The following IQCB1 variants were observed in gnomAD, a reference collection of about 807,000 sequenced individuals.
IQCB1 encodes IQ calmodulin-binding motif-containing protein 1.
Under a neutral mutation model 84.4 loss-of-function variants are expected in IQCB1, and 56 were observed. The observed-to-expected ratio is 0.66, with a 90% confidence interval of 0.54 to 0.83. IQCB1 has a LOEUF of 0.83. Among genes scored for constraint, IQCB1 ranks in the 40% least tolerant of loss-of-function variants. The pLI is 0.00. For synonymous variants in IQCB1, 210 were observed against 234.8 expected, an observed-to-expected ratio of 0.89 and a Z score of 0.96; for missense variants, 629 against 682.1, an observed-to-expected ratio of 0.92 and a Z score of 0.87.
At chr3:121,788,576 C>CCAT in intron 11 of IQCB1, 144 bp from the exon 12 acceptor site, 2 of 811,428 alleles carry the variant, frequency 2.5e-6, no homozygotes, top group Non-Finnish European at 2.0e-6. Context: ...TACTATTTTA[C>CCAT]CATGGTTCTA....
intron 11 of IQCB1, among the ~76,000 whole-genome samples, chr3:121,788,634 A>T (rs1255782148): frequency 6.6e-6 from 1 of 152,150 alleles, no homozygotes; most frequent in East Asian, 1.9e-4. Context: ...TCTTCACAGA[A>T]AGAACTCATA....
chr3:121,790,742 A>T (rs993807525), intron 10 of IQCB1, among the ~76,000 whole-genome samples: 1 of 152,040 alleles, frequency 6.6e-6, no homozygotes, highest in South Asian at 2.1e-4. Context: ...GATATAGAAG[A>T]ATGACATCAA....
At chr3:121,815,928 CAAAAAAAAAAAAAA>C (rs36019026) in intron 5 of IQCB1, among the ~76,000 whole-genome samples, 4 of 88,760 alleles carry the variant, frequency 4.5e-5, no homozygotes, top group Admixed American at 1.3e-4. Context: ...CATGTGGAAC[CAAAAAAAAAAAAAA>C]AAAAAAGAGC....
chr3:121,828,694 T>C lies in IQCB1; in HGVS notation c.101-62A>G. The stretch of plus-strand genomic sequence containing the variant: ...TTAATACATCCAGGAGCTATTTGTA[T>C]TTTTATATGTTGAATAATCACTAAA... On this transcript the variant is annotated intron_variant, in intron 3 of 14. Transcript: ENST00000310864. The C allele has an allele frequency of 5.8e-6, 7 of 1,212,348 alleles. No individual in the cohort carries two copies. The South Asian group carries it at 9.1e-5, about 16-fold the overall frequency. The allele number at this position is 1,212,348 out of a possible 1,614,324, so 75.1% of individuals were successfully genotyped here.
Position 121,772,675 on chromosome 3 carries a change from A to G in IQCB1, c.1449T>C (p.His483=). The part of the protein sequence containing the change: ...PMSDVVSREL[H]AQAQERLQHY... ...GTTGCAGTCGTTCTTGAGCTTGGGC[A>G]TGGAGCTCCCTACTGACCACATCTG... Residue 483 remains histidine, a synonymous_variant, in exon 14 of 15, where the codon CAT becomes CAC. Coordinates refer to ENST00000310864, the MANE Select transcript of IQCB1 (RefSeq NM_001023570.4). The G allele has an allele frequency of 6.2e-7, 1 of 1,614,160 alleles. No individual in the cohort carries two copies. The highest frequency in any genetic ancestry group is 8.5e-7 in the Non-Finnish European group (1 of 1,180,016).
At chr3:121,793,310 A>G (rs1173137589) in intron 10 of IQCB1, among the ~76,000 whole-genome samples, 1 of 152,196 alleles carries the variant, frequency 6.6e-6, no homozygotes, top group Non-Finnish European at 1.5e-5. Context: ...TAAAAAAGAA[A>G]CCACTATGAA....
intron 12 of IQCB1, among the ~76,000 whole-genome samples, chr3:121,783,132 T>C (rs1339981719): frequency 1.3e-5 from 2 of 152,216 alleles, no homozygotes. Context: ...TATTGTTTAA[T>C]GTGTCAGTTT....
chr3:121,809,472 T>C (rs1020342946), intron 5 of IQCB1, among the ~76,000 whole-genome samples: 7 of 152,066 alleles, frequency 4.6e-5, no homozygotes, highest in African/African-American at 1.7e-4. Flanking sequence ...GATGTCAGCA[T>C]GAGAAGCATT....
chr3:121,818,787 T>C (rs1950169964), intron 5 of IQCB1, among the ~76,000 whole-genome samples: 1 of 152,086 alleles, frequency 6.6e-6, no homozygotes, highest in Non-Finnish European at 1.5e-5. Context: ...GCACCTAGAA[T>C]CAGTGTGTAA....
At chr3:121,827,967 C>T (rs191290588) in intron 4 of IQCB1, among the ~76,000 whole-genome samples, 178 of 152,174 alleles carry the variant, frequency 1.2e-3, no homozygotes, top group African/African-American at 4.2e-3. Context: ...ATTTTATTGA[C>T]AGTATTTGGG....
chr3:121,803,436 G>A (rs1949484971), intron 7 of IQCB1, among the ~76,000 whole-genome samples: 1 of 152,124 alleles, frequency 6.6e-6, no homozygotes, highest in Non-Finnish European at 1.5e-5. Flanking sequence ...AAAAGAACAT[G>A]TATTCTGCTA....
intron 9 of IQCB1, among the ~76,000 whole-genome samples, chr3:121,796,876 T>C (rs1379110576): frequency 6.6e-6 from 1 of 152,070 alleles, no homozygotes; most frequent in African/African-American, 2.4e-5. Flanking sequence ...GGGGTTTTGC[T>C]ATTTTGACCA....
intron 2 of IQCB1, among the ~76,000 whole-genome samples, chr3:121,830,375 G>A (rs1165534229): frequency 2.0e-5 from 3 of 151,624 alleles, no homozygotes; most frequent in Non-Finnish European, 2.9e-5. Flanking sequence ...AGACTAGCCT[G>A]GTCAACAAAG....
At chr3:121,785,215 G>C (rs1004028752) in intron 12 of IQCB1, among the ~76,000 whole-genome samples, 1 of 151,788 alleles carries the variant, frequency 6.6e-6, no homozygotes, top group South Asian at 2.1e-4. Context: ...CTTCCTGAGG[G>C]ACACACTCAT....
intron 5 of IQCB1, among the ~76,000 whole-genome samples, chr3:121,809,516 A>G (rs1368499037): frequency 1.3e-5 from 2 of 152,096 alleles, no homozygotes; most frequent in Non-Finnish European, 2.9e-5. Flanking sequence ...GTTTCTACTC[A>G]TAAGTTTAGG....
At chr3:121,807,473 A>G in intron 6 of IQCB1, 30 bp from the exon 7 acceptor site, 1 of 1,092,094 alleles carries the variant, frequency 9.2e-7, no homozygotes, top group Non-Finnish European at 1.4e-6. Context: ...AAGAAAGATT[A>G]AAGTAAAGAT....
At chr3:121,803,508 A>ATCT (rs71133572) in intron 7 of IQCB1, among the ~76,000 whole-genome samples, 124,100 of 151,874 alleles carry the variant, frequency 0.82, 51,117 homozygotes, top group East Asian at 0.94. Context: ...TATTGTTCAA[A>ATCT]TCTGTGGTCA....
intron 12 of IQCB1, among the ~76,000 whole-genome samples, chr3:121,782,235 C>T (rs1359368682): frequency 6.6e-6 from 1 of 152,210 alleles, no homozygotes; most frequent in Non-Finnish European, 1.5e-5. Flanking sequence ...CTTAATTCTA[C>T]ACAGCCTAGA....
At position 121,788,352 on chromosome 3, in the gene IQCB1, T is replaced by G. The variant is rs1354344876; in HGVS notation, c.1210A>C (p.Arg404=). 10 of 1,613,820 alleles carry G rather than the reference T, an allele frequency of 6.2e-6. No individual in the cohort carries two copies. The highest frequency in any genetic ancestry group is 8.5e-6 in the Non-Finnish European group (10 of 1,179,904). The change falls in exon 12 of 15, where the codon AGG becomes CGG. Residue 404 remains arginine, a synonymous_variant. Transcript: ENST00000310864. ...IQKHWRGYRE[R]KNFHQQRQSL... ...TGCCTCTGTTGGTGAAAATTTTTCC[T>G]TTCCCTGTACCCTCTCCAATGTTTC...
Sources: allele counts gnomAD v4.1 joint callset (sites outside exome capture counted in the v4.1 genomes callset), GRCh38; gene constraint gnomAD v4.1.1; transcripts MANE v1.5; gene names NCBI Gene and HGNC (gene_info 2026-07-23, HGNC 2026-07-21).